SPATA13: variants seen among roughly 807,000 people sequenced by gnomAD.
SPATA13 encodes the protein spermatogenesis-associated protein 13.
SPATA13 carries 50 observed loss-of-function variants against 104.0 expected under a neutral mutation model. The ratio of observed to expected loss-of-function variants is 0.48; its 90% CI spans 0.38 to 0.61. SPATA13 has a LOEUF of 0.61. Ranked by LOEUF, SPATA13 falls within the 20% of genes least tolerant of loss-of-function variation. The pLI is 0.00. For missense variants in SPATA13, 1,524 were observed against 1,690.6 expected (o/e 0.90, Z 1.73); for synonymous variants, 606 against 667.5 (o/e 0.91, Z 1.42).
At chr13:24,158,390 C>T (rs1276725687), upstream of SPATA13, among the ~76,000 whole-genome samples, 2 of 152,148 alleles carry the variant, frequency 1.3e-5, no homozygotes, top group East Asian at 1.9e-4. Context: ...TTGTGATTCC[C>T]GCAGGAATGG....
At position 24,289,960 on chromosome 13, in the gene SPATA13, T is replaced by G. The variant is rs965326276; in HGVS notation, c.2848-692T>G. 3.3e-5 allele frequency among the ~76,000 whole-genome samples: 5 copies of G among 152,188 alleles called. 1 individual carries two copies. Among genetic ancestry groups the G allele is most frequent in the African/African-American group, 1.2e-4 (5 of 41,426 alleles). ...TTTAAGTGGCTGGGCATAATGTTTT[T>G]GTGTTAAGTTAGTCAGCTGGAGGCT... On this transcript the variant is annotated intron_variant, in intron 8 of 12. Transcript: ENST00000382108.
At chr13:24,130,422 T>C (rs1438889749) in intron 3 of SPATA13, among the ~76,000 whole-genome samples, 1 of 152,100 alleles carries the variant, frequency 6.6e-6, no homozygotes, top group Non-Finnish European at 1.5e-5. Context: ...AGAGAAGGCA[T>C]GAATCAGAGA....
At chr13:24,087,804 C>T (rs1488909197) in intron 3 of SPATA13, among the ~76,000 whole-genome samples, 1 of 152,114 alleles carries the variant, frequency 6.6e-6, no homozygotes, top group African/African-American at 2.4e-5. Flanking sequence ...CCACGGGGCT[C>T]CTGCTCCTCC....
chr13:24,194,211 A>G (rs1471976947), intron 1 of SPATA13, among the ~76,000 whole-genome samples: 1 of 152,244 alleles, frequency 6.6e-6, no homozygotes, highest in Admixed American at 6.5e-5. Flanking sequence ...CACACATTAT[A>G]TAAGATGATG....
At chr13:24,288,027 C>T (rs913750552) in intron 7 of SPATA13, among the ~76,000 whole-genome samples, 1 of 152,194 alleles carries the variant, frequency 6.6e-6, no homozygotes, top group Non-Finnish European at 1.5e-5. Context: ...CTTCTTTGTG[C>T]CAGCCATCTC....
chr13:24,026,610 C>G (rs1352648284), intron 3 of SPATA13, among the ~76,000 whole-genome samples: 3 of 152,142 alleles, frequency 2.0e-5, no homozygotes, highest in Admixed American at 6.5e-5. Context: ...CAGAGTCTCG[C>G]TCTGTCACCC....
At chr13:24,265,167 GC>G (rs1279610223) in intron 4 of SPATA13, among the ~76,000 whole-genome samples, 1 of 152,182 alleles carries the variant, frequency 6.6e-6, no homozygotes, top group African/African-American at 2.4e-5. Flanking sequence ...GATGGGGCCC[GC>G]CCCTCCTGTG....
intron 2 of SPATA13, among the ~76,000 whole-genome samples, chr13:24,241,564 C>T (rs767684973): frequency 3.0e-4 from 45 of 152,244 alleles, no homozygotes; most frequent in Non-Finnish European, 6.6e-4. Context: ...GGTTGTTCCT[C>T]AGCTTGCCTA....
intron 3 of SPATA13, among the ~76,000 whole-genome samples, chr13:24,025,987 T>C (rs1401830720): frequency 1.3e-5 from 2 of 152,112 alleles, no homozygotes; most frequent in African/African-American, 4.8e-5. Flanking sequence ...GTATTTTTAA[T>C]AGAGATGGGG....
chr13:24,286,899 G>A lies in SPATA13; in HGVS notation c.2616G>A (p.Glu872=), dbSNP rs1197657902. 1.2e-6 allele frequency: 2 copies of A among 1,613,940 alleles called. No individual in the cohort carries two copies. The highest frequency in any genetic ancestry group is 3.3e-5 in the Admixed American group (2 of 60,018). The change falls in exon 7 of 13, where the codon GAG becomes GAA. Residue 872 remains glutamate (E), a synonymous_variant. Coordinates refer to ENST00000382108, the MANE Select transcript of SPATA13 (RefSeq NM_001166271.3). The surrounding 1 kb of genome is among the most constrained non-coding windows in gnomAD (Gnocchi z 4.9). ...AGATGCGGACCAACGTCATCCGGGAGATCATGGACACCGAGCGGGTGTACA... is the reference window on the plus strand; with the variant it reads ...AGATGCGGACCAACGTCATCCGGGAAATCATGGACACCGAGCGGGTGTACA... ...KQQMRTNVIR[E]IMDTERVYIK...
chr13:24,250,493 C>G (rs905042756), intron 3 of SPATA13, among the ~76,000 whole-genome samples: 1 of 152,144 alleles, frequency 6.6e-6, no homozygotes, highest in African/African-American at 2.4e-5. Context: ...GAGGCTAATA[C>G]CTTGGCCATG....
intron 1 of SPATA13, among the ~76,000 whole-genome samples, chr13:23,981,400 G>A (rs1005080609): frequency 6.6e-5 from 10 of 152,192 alleles, no homozygotes; most frequent in Non-Finnish European, 1.0e-4. Flanking sequence ...CATTTACTGA[G>A]GCTCTACTAT....
At chr13:24,126,845 C>A (rs1881235621) in intron 3 of SPATA13, among the ~76,000 whole-genome samples, 1 of 152,174 alleles carries the variant, frequency 6.6e-6, no homozygotes, top group South Asian at 2.1e-4. Context: ...CAGGCATGAG[C>A]CACTGCACTC....
chr13:24,156,856 C>T (rs1452022633), upstream of SPATA13, among the ~76,000 whole-genome samples: 1 of 152,218 alleles, frequency 6.6e-6, no homozygotes, highest in Non-Finnish European at 1.5e-5. Context: ...GGCTCAGGTT[C>T]TCTCCTGCTC....
At chr13:24,074,111 C>T (rs1311706091) in intron 3 of SPATA13, among the ~76,000 whole-genome samples, 1 of 151,522 alleles carries the variant, frequency 6.6e-6, no homozygotes, top group African/African-American at 2.4e-5. Flanking sequence ...CACATTTGTA[C>T]ATCCAATCTT....
Position 24,090,818 on chromosome 13 carries a change from T to C in SPATA13, c.-112+73117T>C, listed in dbSNP as rs1274893264. Among the ~76,000 whole-genome samples the C allele has an allele frequency of 3.9e-5, 6 of 152,392 alleles. No homozygotes were observed. The South Asian group carries it at 1.2e-3, about 32-fold the overall frequency. On this transcript the variant is annotated intron_variant, in intron 3 of 14. Transcript: ENST00000424834. ...AGTTTCTATTGACTGCTTTATTTCC[T>C]GTGTGCATGGAACTAAACTTTCCTG...
chr13:24,292,200 C>G (rs150944233), intron 9 of SPATA13, among the ~76,000 whole-genome samples: 17 of 152,318 alleles, frequency 1.1e-4, no homozygotes, highest in African/African-American at 3.4e-4. Context: ...TGCACAGAAG[C>G]CTTTGTGTGG....
At chr13:24,188,455 T>C (rs1324604010) in intron 1 of SPATA13, among the ~76,000 whole-genome samples, 1 of 152,224 alleles carries the variant, frequency 6.6e-6, no homozygotes, top group African/African-American at 2.4e-5. Context: ...AAACTGGCCA[T>C]AATATTTCCT....
rs375415791 is a variant in SPATA13 at position 24,300,381 on chromosome 13, A to G, written c.3584-20A>G. 1.9e-6 allele frequency: 3 copies of G among 1,600,732 alleles called. No individual in the cohort carries two copies. In the African/African-American group the frequency reaches 4.0e-5, roughly 21 times the overall value. On this transcript the variant is annotated intron_variant, in intron 11 of 12. Transcript: ENST00000382108. ...TGTCCACGTGTTCTGAATATATATC[A>G]CATTTATTTCTAAATGCAGGAATGG...
Sources: gnomAD v4.1 joint callset for allele counts (sites outside exome capture counted in the v4.1 genomes callset) on GRCh38, gnomAD v4.1.1 for gene constraint, Gnocchi (gnomAD v3.1) non-coding constraint, MANE v1.5 for transcripts, NCBI Gene and HGNC (gene_info 2026-07-23, HGNC 2026-07-21) for gene names.